Variants in NEK11 observed in about 807,000 individuals in gnomAD.
NEK11 encodes NIMA related kinase 11.
NEK11 carries 72 observed loss-of-function variants against 80.7 expected under a neutral mutation model. The ratio of observed to expected loss-of-function variants is 0.89; its 90% CI spans 0.74 to 1.08. NEK11 has a LOEUF of 1.08. Ranked by LOEUF, NEK11 falls within the 50% of genes least tolerant of loss-of-function variation. NEK11 has a pLI of 0.00. For synonymous variants in NEK11, 251 were observed against 260.7 expected, an observed-to-expected ratio of 0.96 and a Z score of 0.36; for missense variants, 764 against 763.6, an observed-to-expected ratio of 1.00 and a Z score of -0.01.
intron 4 of NEK11, among the ~76,000 whole-genome samples, chr3:131,082,659 G>C (rs1414734037): frequency 6.6e-6 from 1 of 152,166 alleles, no homozygotes; most frequent in African/African-American, 2.4e-5. Flanking sequence ...GACATACATA[G>C]TATATGTTGC....
chr3:131,184,547 C>T (rs1579774885), intron 14 of NEK11, among the ~76,000 whole-genome samples: 1 of 152,234 alleles, frequency 6.6e-6, no homozygotes, highest in East Asian at 1.9e-4. Flanking sequence ...AGGGAAAAAT[C>T]CTATTAAGAA....
At chr3:131,255,018 C>A (rs2095780412) in intron 16 of NEK11, among the ~76,000 whole-genome samples, 1 of 143,290 alleles carries the variant, frequency 7.0e-6, no homozygotes, top group Non-Finnish European at 1.5e-5. Context: ...AAGACTCCAT[C>A]TAAGAAAGAA....
chr3:131,080,371 G>A (rs2149027726), intron 3 of NEK11, 52 bp from the exon 4 acceptor site: 2 of 1,358,904 alleles, frequency 1.5e-6, no homozygotes, highest in South Asian at 1.3e-5. Flanking sequence ...GATGATATTT[G>A]TTAAATGTGT....
At chr3:131,331,860 T>A (rs1008999905) in intron 17 of NEK11, among the ~76,000 whole-genome samples, 3 of 152,198 alleles carry the variant, frequency 2.0e-5, no homozygotes, top group Non-Finnish European at 2.9e-5. Context: ...TCTCGCTGAT[T>A]GCTAGCACAG....
intron 14 of NEK11, among the ~76,000 whole-genome samples, chr3:131,224,797 G>A (rs2095140084): frequency 1.3e-5 from 2 of 152,034 alleles, no homozygotes; most frequent in Non-Finnish European, 2.9e-5. Context: ...TAACAAAATA[G>A]TTGAAAAAGA....
chr3:131,342,464 G>A (rs577108028), intron 17 of NEK11, among the ~76,000 whole-genome samples: 2 of 151,724 alleles, frequency 1.3e-5, no homozygotes, highest in African/African-American at 4.8e-5. Flanking sequence ...GTTCTCTTAA[G>A]GCTTTCTGGT....
chr3:131,140,430 G>T (rs745776166), intron 7 of NEK11, among the ~76,000 whole-genome samples: 5 of 152,174 alleles, frequency 3.3e-5, no homozygotes, highest in Admixed American at 6.5e-5. Flanking sequence ...TTAAGCCTCA[G>T]TTGAGCATCA....
At chr3:131,045,522 T>A (rs2067245711) in intron 3 of NEK11, among the ~76,000 whole-genome samples, 1 of 152,240 alleles carries the variant, frequency 6.6e-6, no homozygotes, top group African/African-American at 2.4e-5. Flanking sequence ...ATACTTGATA[T>A]AATTTCAATT....
intron 17 of NEK11, among the ~76,000 whole-genome samples, chr3:131,340,338 TATG>T (rs1173325388): frequency 6.6e-6 from 1 of 152,158 alleles, no homozygotes; most frequent in African/African-American, 2.4e-5. Context: ...ATATTTAAAA[TATG>T]AGGACATTTT....
intron 3 of NEK11, among the ~76,000 whole-genome samples, chr3:131,050,532 T>G (rs150544780): frequency 1.3e-5 from 2 of 152,146 alleles, no homozygotes; most frequent in Non-Finnish European, 2.9e-5. Flanking sequence ...TCTTAGGAGG[T>G]AGACAAGGAC....
chr3:131,217,512 C>T (rs943017602), intron 14 of NEK11, among the ~76,000 whole-genome samples: 3 of 152,112 alleles, frequency 2.0e-5, no homozygotes, highest in Non-Finnish European at 4.4e-5. Flanking sequence ...AACGGGGATG[C>T]GTTCAAAGAA....
chr3:131,337,400 G>C (rs9866216), intron 17 of NEK11, among the ~76,000 whole-genome samples: 63,180 of 150,980 alleles, frequency 0.42, 15,878 homozygotes, highest in Non-Finnish European at 0.54. Context: ...TCACTCATAG[G>C]TGGGAATTGA....
chr3:131,144,553 C>T (rs985615637), intron 7 of NEK11, among the ~76,000 whole-genome samples: 4 of 152,050 alleles, frequency 2.6e-5, no homozygotes, highest in Admixed American at 6.6e-5. Context: ...ATATAGTCAC[C>T]ATATGTATTT....
At chr3:131,333,058 A>G (rs1350888514) in intron 17 of NEK11, among the ~76,000 whole-genome samples, 5 of 152,260 alleles carry the variant, frequency 3.3e-5, no homozygotes, top group East Asian at 1.9e-4. Context: ...ATATTATCCA[A>G]GAGAACTTCC....
At chr3:131,235,320 A>G (rs745384644) in intron 15 of NEK11, among the ~76,000 whole-genome samples, 1 of 152,140 alleles carries the variant, frequency 6.6e-6, no homozygotes, top group Non-Finnish European at 1.5e-5. Flanking sequence ...CTGTTTCCCT[A>G]GCTATCATCA....
intron 17 of NEK11, among the ~76,000 whole-genome samples, chr3:131,341,101 A>G (rs866409342): frequency 3.3e-5 from 5 of 152,204 alleles, no homozygotes; most frequent in Admixed American, 2.0e-4. Context: ...TAACAGCAAG[A>G]GAGTCCTCTT....
intron 16 of NEK11, among the ~76,000 whole-genome samples, chr3:131,270,704 TG>T (rs974347618): frequency 6.6e-6 from 1 of 152,202 alleles, no homozygotes; most frequent in African/African-American, 2.4e-5. Flanking sequence ...ATACTTGCCC[TG>T]TTTTCTACCC....
At chr3:131,348,943 TTCC>T (rs996702924) in intron 17 of NEK11, among the ~76,000 whole-genome samples, 2 of 151,758 alleles carry the variant, frequency 1.3e-5, no homozygotes, top group African/African-American at 2.4e-5. Flanking sequence ...CCCCCTCATT[TTCC>T]TCCTCCTCCT....
At chr3:131,332,094 A>T (rs900703198) in intron 17 of NEK11, among the ~76,000 whole-genome samples, 1 of 152,260 alleles carries the variant, frequency 6.6e-6, no homozygotes. Context: ...TCCCGGTCTG[A>T]CAGCTTTGAA....
Sources: gnomAD v4.1 joint callset for allele counts (sites outside exome capture counted in the v4.1 genomes callset) on GRCh38, gnomAD v4.1.1 for gene constraint, MANE v1.5 for transcripts, NCBI Gene and HGNC (gene_info 2026-07-23, HGNC 2026-07-21) for gene names.